SLIT2: variants seen among roughly 807,000 people sequenced by gnomAD.
The protein encoded by SLIT2 is slit guidance ligand 2.
A neutral mutation model predicts 185.7 loss-of-function variants in SLIT2; 41 were observed. The observed-to-expected ratio is 0.22, with a 90% confidence interval of 0.17 to 0.29. SLIT2 has a LOEUF of 0.29. SLIT2 is among the 10% of genes least tolerant of loss of function. SLIT2 has a pLI of 1.00. For missense variants in SLIT2, 1,571 were observed against 1,909.0 expected, an observed-to-expected ratio of 0.82 and a Z score of 3.30; for synonymous variants, 693 against 680.2, an observed-to-expected ratio of 1.02 and a Z score of -0.29.
At chr4:20,507,050 T>A (rs1719273085) in intron 9 of SLIT2, among the ~76,000 whole-genome samples, 1 of 152,038 alleles carries the variant, frequency 6.6e-6, no homozygotes, top group Non-Finnish European at 1.5e-5. Context: ...ATGCAATAGT[T>A]TGCAATGTGA....
chr4:20,574,803 A>T (rs552778435), intron 29 of SLIT2, among the ~76,000 whole-genome samples: 140 of 151,978 alleles, frequency 9.2e-4, no homozygotes, highest in African/African-American at 3.0e-3. Flanking sequence ...AAAAAAAAAA[A>T]AAAACAAAGG....
In SLIT2 at chr4:20,519,326, GA is replaced by G. The variant is rs1305590505; in HGVS notation, c.1059-54del. On this transcript the variant is annotated intron_variant, in intron 11 of 36. Transcript: ENST00000504154. Reference sequence around the variant, plus strand: ...ATGCCTGAGTAAATATGTATTAGATGAATTTGTTATGCAGGTTTGGTGTCTA... The same window carrying G: ...ATGCCTGAGTAAATATGTATTAGATGATTTGTTATGCAGGTTTGGTGTCTA... The G allele has an allele frequency of 1.2e-5, 10 of 859,674 alleles. No individual in the cohort carries two copies. In the Admixed American group the frequency reaches 1.8e-4, roughly 16 times the overall value. 53.3% of individuals were successfully genotyped at this position (859,674 alleles called of 1,614,324 possible).
chr4:20,580,175 C>T (rs1347910426), intron 29 of SLIT2, among the ~76,000 whole-genome samples: 2 of 150,400 alleles, frequency 1.3e-5, no homozygotes, highest in South Asian at 2.1e-4. Context: ...ATTCTCTTGC[C>T]TCAGCCTCCC....
intron 9 of SLIT2, among the ~76,000 whole-genome samples, chr4:20,501,645 T>G (rs1428568895): frequency 6.6e-6 from 1 of 152,222 alleles, no homozygotes; most frequent in African/African-American, 2.4e-5. Context: ...ATAGCAACTT[T>G]GATAGCTCCA....
chr4:20,517,470 T>C (rs1720316317), intron 11 of SLIT2, among the ~76,000 whole-genome samples: 1 of 147,356 alleles, frequency 6.8e-6, no homozygotes, highest in African/African-American at 2.7e-5. Context: ...TCAAAATATA[T>C]ATTTATTCAT....
chr4:20,541,168 A>G (rs999017678), intron 19 of SLIT2, among the ~76,000 whole-genome samples: 1 of 152,232 alleles, frequency 6.6e-6, no homozygotes, highest in Non-Finnish European at 1.5e-5. Context: ...GATCCACTGT[A>G]TAAACCCCAA....
chr4:20,542,625 T>C lies in SLIT2; in HGVS notation c.2275T>C (p.Leu759=), dbSNP rs1722900507. The part of the protein sequence containing the change: ...PKGIPRDVTE[L]YLDGNQFTLV... ...AGGTATTCCAAGAGATGTCACAGAG[T>C]TGTAAGTAGAGCTTGTCTTTCTTTT... The change falls in exon 21 of 37, where the codon TTG becomes CTG. Residue 759 remains leucine (L), a splice_region_variant and synonymous_variant. Transcript: ENST00000504154. 1 of 1,613,084 alleles carries C rather than the reference T, an allele frequency of 6.2e-7. No homozygotes were observed. The highest frequency in any genetic ancestry group is 8.5e-7 in the Non-Finnish European group (1 of 1,179,590).
intron 23 of SLIT2, among the ~76,000 whole-genome samples, 179 bp downstream of exon 23, chr4:20,548,738 C>A (rs896145836): frequency 6.6e-6 from 1 of 151,856 alleles, no homozygotes. Context: ...GTATTGCGTT[C>A]TATTAAAAAA....
In SLIT2 at chr4:20,579,367, T is replaced by G. The variant is rs181400529; in HGVS notation, c.3089-10277T>G. ...TTTCCTGTCTGTAATTAACACAGCT[T>G]ATTTAGCAAAGAGAACAAATCTCTT... On this transcript the variant is annotated intron_variant, in intron 29 of 36. Coordinates refer to ENST00000504154, the MANE Select transcript of SLIT2 (RefSeq NM_004787.4). Among the ~76,000 whole-genome samples the G allele has an allele frequency of 3.9e-5, 6 of 152,128 alleles. No individual in the cohort carries two copies. In the East Asian group the frequency reaches 1.2e-3, roughly 29 times the overall value.
At chr4:20,281,136 TA>T (rs550818917) in intron 4 of SLIT2, among the ~76,000 whole-genome samples, 5 of 152,096 alleles carry the variant, frequency 3.3e-5, no homozygotes, top group African/African-American at 9.6e-5. Flanking sequence ...CCCAGCTGGT[TA>T]AAAAAATGAT....
intron 4 of SLIT2, among the ~76,000 whole-genome samples, chr4:20,318,679 C>T (rs898629317): frequency 1.3e-5 from 2 of 151,864 alleles, no homozygotes; most frequent in African/African-American, 2.4e-5. Context: ...GATAATAGCT[C>T]ACTTTGAACA....
At chr4:20,280,849 T>TTTTTTTTTTTTA (rs1714689258) in intron 4 of SLIT2, among the ~76,000 whole-genome samples, 4 of 149,824 alleles carry the variant, frequency 2.7e-5, no homozygotes, top group African/African-American at 9.8e-5. Context: ...TTTTTTTTTT[T>TTTTTTTTTTTTA]GAGACGGAGT....
chr4:20,367,616 A>C (rs1448730075), intron 4 of SLIT2, among the ~76,000 whole-genome samples: 1 of 152,134 alleles, frequency 6.6e-6, no homozygotes, highest in Admixed American at 6.6e-5. Context: ...ATCTTGACTG[A>C]TTCAGAAAAG....
chr4:20,316,371 A>G (rs1718581647), intron 4 of SLIT2, among the ~76,000 whole-genome samples: 2 of 152,042 alleles, frequency 1.3e-5, no homozygotes. Flanking sequence ...AGGAGACAAG[A>G]CCAGAAATTA....
rs183242591 is a variant in SLIT2 at position 20,362,271 on chromosome 4, T to A, written c.395+93390T>A. On this transcript the variant is annotated intron_variant, in intron 4 of 36. Coordinates refer to ENST00000504154, the MANE Select transcript of SLIT2 (RefSeq NM_004787.4). ...TGTAACTTTTGGTTGGGGCTTGGAG[T>A]CAGTTGTGGAGCACAGGGTGGGTGA... Among the ~76,000 whole-genome samples the A allele has an allele frequency of 1.7e-4, 26 of 152,124 alleles. No individual in the cohort carries two copies. The East Asian group carries it at 4.5e-3, about 26-fold the overall frequency.
chr4:20,468,479 A>T (rs75970822), intron 5 of SLIT2, among the ~76,000 whole-genome samples: 6,601 of 152,120 alleles, frequency 0.043, 271 homozygotes, highest in East Asian at 0.15. Flanking sequence ...AAAAAATGAA[A>T]GTGCATTTCT....
rs1329105857 is a variant in SLIT2, at chr4:20,617,365, T to C, written c.4137-74T>C. ...TCATATTTTCTCAATCATCCTCCAT[T>C]CTTATATCACCTCCGTTCATTCTTA... On this transcript the variant is annotated intron_variant, in intron 35 of 36. Transcript: ENST00000504154. The C allele has an allele frequency of 2.7e-6, 4 of 1,470,106 alleles. No individual in the cohort carries two copies. The African/African-American group carries it at 5.6e-5, about 20-fold the overall frequency. 91.1% of individuals were successfully genotyped at this position (1,470,106 alleles called of 1,614,324 possible). A position where few individuals can be genotyped will look rare whatever the true frequency, so the allele number is the denominator to read the frequency against.
At chr4:20,443,950 G>T (rs1729961563) in intron 4 of SLIT2, among the ~76,000 whole-genome samples, 1 of 152,170 alleles carries the variant, frequency 6.6e-6, no homozygotes. Context: ...TACTGGTTTG[G>T]CAGGTACAAT....
At chr4:20,440,319 T>C (rs992208801) in intron 4 of SLIT2, among the ~76,000 whole-genome samples, 2 of 152,198 alleles carry the variant, frequency 1.3e-5, no homozygotes, top group Admixed American at 6.5e-5. Context: ...AAACTACATC[T>C]GGGCTTGGCA....
Sources: allele counts gnomAD v4.1 joint callset (sites outside exome capture counted in the v4.1 genomes callset), GRCh38; gene constraint gnomAD v4.1.1; transcripts MANE v1.5; gene names NCBI Gene and HGNC (gene_info 2026-07-23, HGNC 2026-07-21).